IFI16: variants seen among roughly 807,000 people sequenced by gnomAD.
The protein encoded by IFI16 is interferon gamma inducible protein 16.
IFI16 carries 49 observed loss-of-function variants against 68.4 expected under a neutral mutation model. The ratio of observed to expected loss-of-function variants is 0.72; its 90% CI spans 0.57 to 0.91. The LOEUF is 0.91. Among genes scored for constraint, IFI16 ranks in the 40% least tolerant of loss-of-function variants. The probability of loss-of-function intolerance (pLI) is 0.00; values close to 1 mark genes in which losing one functional copy is unlikely to be tolerated. For synonymous variants in IFI16, 307 were observed against 315.0 expected, an observed-to-expected ratio of 0.97 and a Z score of 0.27; for missense variants, 878 against 942.9, an observed-to-expected ratio of 0.93 and a Z score of 0.90.
intron 3 of IFI16, 100 bp from the exon 4 acceptor site, chr1:159,016,433 C>T: frequency 8.9e-7 from 1 of 1,121,834 alleles, no homozygotes; most frequent in South Asian, 1.7e-5. Context: ...TTCCAAGAAA[C>T]ATCTTCTTAG....
At position 159,045,385 on chromosome 1, in the gene IFI16, C is replaced by A. The variant is rs746072185; in HGVS notation, c.1418C>A (p.Thr473Asn). ...EGSHFPGPFM[T>N]SIGPAESHPH... ...AGTCATTTTCCAGGACCGTTCATGA[C>A]CAGCATAGGCCCAGCTGAGAGCCAT... Residue 473 changes from threonine (T) to asparagine (N), a missense_variant, in exon 8 of 12, where the codon ACC becomes AAC. By Grantham distance (65) the Thr-to-Asn change is moderately conservative (BLOSUM62 0). Coordinates refer to ENST00000295809, the MANE Select transcript of IFI16 (RefSeq NM_001376587.1). 1.1e-5 allele frequency: 17 copies of A among 1,587,582 alleles called. 1 individual carries two copies. In the Admixed American group the frequency reaches 2.6e-4, roughly 24 times the overall value.
chr1:159,024,079 T>A (rs1031834221), intron 6 of IFI16, among the ~76,000 whole-genome samples: 2 of 152,222 alleles, frequency 1.3e-5, no homozygotes, highest in Non-Finnish European at 2.9e-5. Flanking sequence ...TGGGCTACCA[T>A]GCGTACAAGC....
chr1:159,045,190 G>C, intron 7 of IFI16, 107 bp from the exon 8 acceptor site: 2 of 602,578 alleles, frequency 3.3e-6, no homozygotes, highest in Non-Finnish European at 5.8e-6. Flanking sequence ...CAGAGAAACT[G>C]GCAAAGTGAA....
Position 159,015,947 on chromosome 1 carries a change from C to T in IFI16, c.341C>T (p.Thr114Ile). The T allele has an allele frequency of 6.2e-7, 1 of 1,614,134 alleles. No individual in the cohort carries two copies. The highest frequency in any genetic ancestry group is 8.5e-7 in the Non-Finnish European group (1 of 1,179,966). Residue 114 changes from threonine to isoleucine, a missense_variant, in exon 3 of 12, where the codon ACT becomes ATT. Thr to Ile is a moderately conservative substitution (Grantham distance 89). Coordinates refer to ENST00000295809, the MANE Select transcript of IFI16 (RefSeq NM_001376587.1). ...ATSPAPSTSS[T>I]VKTEGAEATP... ...TCACCTGCACCCTCCACAAGCAGCA[C>T]TGTCAAAACTGAAGGAGCAGAGGCA...
upstream of IFI16, among the ~76,000 whole-genome samples, chr1:159,003,215 A>G (rs114335322): frequency 7.6e-4 from 116 of 152,358 alleles, no homozygotes; most frequent in African/African-American, 2.7e-3. Context: ...AACTTCAAGT[A>G]ATTGAATTTG....
In IFI16 at chr1:159,047,073, A is replaced by G. The variant is rs1485162708; in HGVS notation, c.1497+1609A>G. On this transcript the variant is annotated intron_variant, in intron 8 of 11. Coordinates refer to ENST00000295809, the MANE Select transcript of IFI16 (RefSeq NM_001376587.1). ...TACACCCAAGACGAATGGGCAGGGA[A>G]GGTATGGGCAGGGAAATACTGACCC... Among the ~76,000 whole-genome samples, 3 of 149,378 alleles carry G rather than the reference A, an allele frequency of 2.0e-5. 1 individual carries two copies. Among genetic ancestry groups the G allele is most frequent in the Non-Finnish European group, 4.4e-5 (3 of 67,486 alleles).
Position 159,011,504 on chromosome 1 carries a change from C to G in IFI16, c.-21+1343C>G, listed in dbSNP as rs567768030. On this transcript the variant is annotated intron_variant, in intron 1 of 11. Coordinates refer to ENST00000295809, the MANE Select transcript of IFI16 (RefSeq NM_001376587.1). Reference sequence around the variant, plus strand: ...ATATAATCATGTATACAAACAGGTACACACATATATGTGTGTAGTGATGTC... The same window carrying G: ...ATATAATCATGTATACAAACAGGTAGACACATATATGTGTGTAGTGATGTC... Among the ~76,000 whole-genome samples, 4 of 151,722 alleles carry G rather than the reference C, an allele frequency of 2.6e-5. No individual in the cohort carries two copies. In the South Asian group the frequency reaches 8.3e-4, roughly 32 times the overall value.
chr1:159,022,490 A>C (rs548550522), intron 6 of IFI16, among the ~76,000 whole-genome samples: 1 of 152,142 alleles, frequency 6.6e-6, no homozygotes, highest in Non-Finnish European at 1.5e-5. Flanking sequence ...TTCGGTTTCC[A>C]TTGGCTGGGA....
intron 6 of IFI16, among the ~76,000 whole-genome samples, chr1:159,030,045 G>A (rs776403373): frequency 6.6e-6 from 1 of 151,910 alleles, no homozygotes. Flanking sequence ...CACAAGCCTT[G>A]TCTTCAAGCT....
chr1:159,026,034 C>T (rs2101850928), intron 6 of IFI16, among the ~76,000 whole-genome samples: 1 of 152,216 alleles, frequency 6.6e-6, no homozygotes, highest in Non-Finnish European at 1.5e-5. Context: ...GTCTATATGC[C>T]TATTTTTATA....
intron 9 of IFI16, among the ~76,000 whole-genome samples, 199 bp from the exon 10 acceptor site, chr1:159,051,480 A>G (rs1349988654): frequency 1.3e-5 from 2 of 152,228 alleles, no homozygotes; most frequent in African/African-American, 2.4e-5. Context: ...TGAAGATAAT[A>G]AAATTACTCC....
At chr1:159,046,466 C>T (rs1197801261) in intron 8 of IFI16, among the ~76,000 whole-genome samples, 3 of 151,268 alleles carry the variant, frequency 2.0e-5, no homozygotes, top group Non-Finnish European at 4.4e-5. Context: ...TACCATGTCT[C>T]CCTTTAAATA....
chr1:159,001,811 C>G (rs1652069476), upstream of IFI16, among the ~76,000 whole-genome samples: 1 of 152,146 alleles, frequency 6.6e-6, no homozygotes, highest in South Asian at 2.1e-4. Context: ...TCCATGATAT[C>G]TGTTTACTTA....
In IFI16 at chr1:159,032,579, A is replaced by G. The variant is rs769967836; in HGVS notation, c.1217A>G (p.Gln406Arg). Residue 406 changes from glutamine (Q) to arginine (R), a missense_variant, in exon 7 of 12, where the codon CAG becomes CGG. Around this residue, in one of 4 missense-constraint regions of IFI16, gnomAD observed 443 missense variants for 421.8 expected, o/e 1.05. Transcript: ENST00000295809. ...NNDPKSMKLP[Q>R]EQRQLPYPSE... ...GACCCCAAGAGCATGAAGCTACCCC[A>G]GGAACAGCGTCAGCTTCCATATCCT... 28 of 1,612,070 alleles carry G rather than the reference A, an allele frequency of 1.7e-5. No homozygotes were observed. The highest frequency in any genetic ancestry group is 2.5e-6 in the Non-Finnish European group (3 of 1,178,978).
intron 7 of IFI16, among the ~76,000 whole-genome samples, chr1:159,037,832 A>G (rs1420703416): frequency 1.3e-5 from 2 of 152,214 alleles, no homozygotes; most frequent in East Asian, 3.9e-4. Flanking sequence ...AACATAAAGC[A>G]TTAAATATCT....
chr1:159,001,888 T>C (rs973477624), upstream of IFI16, among the ~76,000 whole-genome samples: 2 of 152,228 alleles, frequency 1.3e-5, no homozygotes, highest in Admixed American at 6.5e-5. Context: ...ACAATTGATT[T>C]GGTGGCTTCA....
chr1:159,047,407 G>C lies in IFI16; in HGVS notation c.1497+1943G>C, dbSNP rs1273636723. On this transcript the variant is annotated intron_variant, in intron 8 of 11. Transcript: ENST00000295809. ...CATCAAGGCCACAGGTAGAGCCCATGTGTAGTCATGAAAATCTCAGGCCCA... is the reference window on the plus strand; with the variant it reads ...CATCAAGGCCACAGGTAGAGCCCATCTGTAGTCATGAAAATCTCAGGCCCA... Among the ~76,000 whole-genome samples, 5 of 148,118 alleles carry C rather than the reference G, an allele frequency of 3.4e-5. No homozygotes were observed. The East Asian group carries it at 9.8e-4, about 29-fold the overall frequency.
chr1:159,051,551 T>G (rs1655356946), intron 9 of IFI16, 128 bp from the exon 10 acceptor site: 1 of 678,934 alleles, frequency 1.5e-6, no homozygotes, highest in East Asian at 2.5e-5. Flanking sequence ...CTTTGTCTAG[T>G]TTTCCCTACT....
At chr1:159,032,801 C>A in intron 7 of IFI16, 110 bp downstream of exon 7, 1 of 868,560 alleles carries the variant, frequency 1.2e-6, no homozygotes, top group Non-Finnish European at 1.7e-6. Context: ...TTGGTACAAT[C>A]TTGGTATGAA....
Sources: gnomAD v4.1 joint callset for allele counts (sites outside exome capture counted in the v4.1 genomes callset) on GRCh38, gnomAD v4.1.1 for gene constraint, gnomAD v4.1.1 regional missense constraint, MANE v1.5 for transcripts, NCBI Gene and HGNC (gene_info 2026-07-23, HGNC 2026-07-21) for gene names.